Variants in STK10 observed in about 807,000 individuals in gnomAD.
STK10 encodes serine/threonine-protein kinase 10.
In STK10, 78 loss-of-function variants were observed where a neutral mutation model predicts 113.8. The ratio of observed to expected loss-of-function variants is 0.69; its 90% CI spans 0.57 to 0.83. The LOEUF (loss-of-function observed/expected upper bound fraction) is 0.83. Among genes scored for constraint, STK10 ranks in the 40% least tolerant of loss-of-function variants. The pLI is 0.00. For missense variants in STK10, 1,109 were observed against 1,280.1 expected (o/e 0.87, Z 2.04); for synonymous variants, 465 against 494.7 (o/e 0.94, Z 0.80).
Position 172,052,903 on chromosome 5 carries a change from G to A in STK10, c.2766+26C>T, listed in dbSNP as rs756895123. On this transcript the variant is annotated intron_variant, in intron 18 of 18. Coordinates refer to ENST00000176763, the MANE Select transcript of STK10 (RefSeq NM_005990.4). The stretch of plus-strand genomic sequence containing the variant: ...ATGGCACAGAGCAGAGCCCGAGACT[G>A]AGCCCACCAGCTCGGATAAAGTTAC... 5.0e-6 allele frequency: 8 copies of A among 1,611,088 alleles called. No individual in the cohort carries two copies. The East Asian group carries it at 1.8e-4, about 36-fold the overall frequency.
intron 13 of STK10, 28 bp from the exon 14 acceptor site, chr5:172,061,296 TA>T (rs1462363472): frequency 6.3e-7 from 1 of 1,590,944 alleles, no homozygotes; most frequent in African/African-American, 1.4e-5. Flanking sequence ...GACAGGCCTT[TA>T]TCCAGAGCCG....
At chr5:172,175,784 A>C (rs1197859938) in intron 1 of STK10, among the ~76,000 whole-genome samples, 2 of 152,190 alleles carry the variant, frequency 1.3e-5, no homozygotes, top group African/African-American at 4.8e-5. Context: ...GAAAAGAGAC[A>C]CGCTCCTGGC....
intron 12 of STK10, among the ~76,000 whole-genome samples, chr5:172,073,300 ACAC>A (rs1043683255): frequency 2.6e-5 from 4 of 152,078 alleles, no homozygotes; most frequent in African/African-American, 9.7e-5. Flanking sequence ...TTACAGATGC[ACAC>A]CACCACATTG....
intron 2 of STK10, among the ~76,000 whole-genome samples, chr5:172,145,775 G>C (rs1187736665): frequency 6.6e-6 from 1 of 152,152 alleles, no homozygotes; most frequent in Non-Finnish European, 1.5e-5. Flanking sequence ...CTGCCTCCCT[G>C]GTTGTGATCA....
At chr5:172,146,293 T>A (rs1430781348) in intron 2 of STK10, among the ~76,000 whole-genome samples, 13 of 151,252 alleles carry the variant, frequency 8.6e-5, no homozygotes, top group Admixed American at 8.6e-4. Context: ...ACGAGGGAGG[T>A]GGGAGGCCAA....
At chr5:172,123,714 T>C (rs1264283148) in intron 3 of STK10, among the ~76,000 whole-genome samples, 1 of 152,184 alleles carries the variant, frequency 6.6e-6, no homozygotes, top group East Asian at 1.9e-4. Flanking sequence ...GTGGAGCTTT[T>C]CTGAAGTCTC....
At chr5:172,105,374 C>T (rs751153160) in intron 7 of STK10, among the ~76,000 whole-genome samples, 2 of 152,090 alleles carry the variant, frequency 1.3e-5, no homozygotes, top group Non-Finnish European at 2.9e-5. Context: ...CCTTCCGTGG[C>T]ACTGGCCACC....
chr5:172,068,241 T>G (rs1371859805), intron 12 of STK10, among the ~76,000 whole-genome samples: 1 of 151,782 alleles, frequency 6.6e-6, no homozygotes, highest in East Asian at 1.9e-4. Flanking sequence ...CTCAGGAGGC[T>G]GAAGCAGAGA....
chr5:172,099,970 C>A (rs1318889675), intron 7 of STK10, among the ~76,000 whole-genome samples: 2 of 152,162 alleles, frequency 1.3e-5, no homozygotes, highest in African/African-American at 4.8e-5. Flanking sequence ...GGAAGGAGGG[C>A]CATGGGGAAG....
intron 16 of STK10, among the ~76,000 whole-genome samples, chr5:172,055,035 G>A (rs1767714378): frequency 6.6e-6 from 1 of 152,224 alleles, no homozygotes; most frequent in African/African-American, 2.4e-5. Flanking sequence ...AAGTGTGGGA[G>A]TGCGGAAGGG....
intron 1 of STK10, among the ~76,000 whole-genome samples, chr5:172,181,565 C>T (rs759551265): frequency 1.6e-4 from 24 of 151,794 alleles, no homozygotes; most frequent in African/African-American, 4.6e-4. Flanking sequence ...TCACTGCAAC[C>T]TCCACCTCCC....
At chr5:172,161,434 C>G (rs1738005272) in intron 1 of STK10, among the ~76,000 whole-genome samples, 1 of 151,460 alleles carries the variant, frequency 6.6e-6, no homozygotes, top group South Asian at 2.1e-4. Flanking sequence ...GCCTGGGTGA[C>G]AGAGTGAGAC....
rs550304754 is a variant in STK10 at position 172,123,346 on chromosome 5, AG to A, written c.370+4026del. 4.9e-4 allele frequency among the ~76,000 whole-genome samples: 74 copies of A among 152,284 alleles called. No individual in the cohort carries two copies. In the South Asian group the frequency reaches 7.7e-3, roughly 16 times the overall value. ...TGCTCCTTTCACTGCTGCCACCAACAGGGGGAAAACTGCCTAGGGCTGGAGC... is the reference window on the plus strand; with the variant it reads ...TGCTCCTTTCACTGCTGCCACCAACAGGGGAAAACTGCCTAGGGCTGGAGC... On this transcript the variant is annotated intron_variant, in intron 3 of 18. Coordinates refer to ENST00000176763, the MANE Select transcript of STK10 (RefSeq NM_005990.4).
chr5:172,116,297 G>A (rs1473461248), intron 4 of STK10, among the ~76,000 whole-genome samples: 2 of 151,958 alleles, frequency 1.3e-5, no homozygotes, highest in Non-Finnish European at 2.9e-5. Context: ...GGCCAGGCTG[G>A]TCCTGAACTC....
chr5:172,069,748 A>G (rs1768137231), intron 12 of STK10, among the ~76,000 whole-genome samples: 1 of 152,230 alleles, frequency 6.6e-6, no homozygotes, highest in Non-Finnish European at 1.5e-5. Context: ...AGTAGCCAGT[A>G]GAACAAGTGG....
chr5:172,108,738 T>G (rs934232208), intron 4 of STK10, among the ~76,000 whole-genome samples: 9 of 151,720 alleles, frequency 5.9e-5, no homozygotes, highest in African/African-American at 2.2e-4. Flanking sequence ...TGAGCCAGGA[T>G]TGTGCCACTG....
chr5:172,092,403 C>T (rs1398917076), intron 9 of STK10: 2 of 152,054 alleles, frequency 1.3e-5, no homozygotes, highest in African/African-American at 2.4e-5. Context: ...GGGTCTGTCT[C>T]ATTAAAAAAA....
chr5:172,089,869 A>T (rs1768657051), intron 10 of STK10, among the ~76,000 whole-genome samples: 1 of 151,532 alleles, frequency 6.6e-6, no homozygotes, highest in African/African-American at 2.4e-5. Context: ...GATTAAGTAG[A>T]TAGGTAGATG....
At chr5:172,052,094 G>A (rs970847890) in intron 18 of STK10, among the ~76,000 whole-genome samples, 4 of 152,192 alleles carry the variant, frequency 2.6e-5, no homozygotes, top group African/African-American at 9.7e-5. Flanking sequence ...TGCAAGCAGG[G>A]AGGCTATCCC....
Sources: allele counts gnomAD v4.1 joint callset (sites outside exome capture counted in the v4.1 genomes callset), GRCh38; gene constraint gnomAD v4.1.1; transcripts MANE v1.5; gene names NCBI Gene and HGNC (gene_info 2026-07-23, HGNC 2026-07-21).